The following SPPL2B variants were observed in gnomAD, a reference collection of about 807,000 sequenced individuals.
SPPL2B encodes the protein signal peptide peptidase like 2B.
SPPL2B carries 39 observed loss-of-function variants against 59.7 expected under a neutral mutation model. The ratio of observed to expected loss-of-function variants is 0.65; its 90% CI spans 0.51 to 0.85. The LOEUF (loss-of-function observed/expected upper bound fraction) is 0.85. SPPL2B is among the 40% of genes least tolerant of loss of function. The pLI is 0.00. For synonymous variants in SPPL2B, 419 were observed against 370.8 expected, an observed-to-expected ratio of 1.13 and a Z score of -1.49; for missense variants, 865 against 849.0, an observed-to-expected ratio of 1.02 and a Z score of -0.23.
In SPPL2B at chr19:2,340,150, C is replaced by T. The variant is rs746229400; in HGVS notation, c.817C>T (p.Arg273Trp). The change falls in exon 7 of 15, where the codon CGG (arginine) becomes TGG (tryptophan). Residue 273 changes from arginine (R) to tryptophan (W), a missense_variant. Transcript: ENST00000613503. ...LYSCLAPCVR[R>W]LPFGKCRIPN... is the part of the protein sequence containing the mutation. ...CAGCTGCCTGGCGCCCTGTGTGCGG[C>T]GGCTGCCCTTCGGCAAGTGCAGGTG... The T allele has an allele frequency of 4.7e-5, 75 of 1,579,436 alleles. No homozygotes were observed. Among genetic ancestry groups the T allele is most frequent in the Non-Finnish European group, 5.9e-5 (69 of 1,169,794 alleles).
intron 2 of SPPL2B, among the ~76,000 whole-genome samples, chr19:2,335,263 G>T (rs1241881610): frequency 7.0e-6 from 1 of 143,410 alleles, no homozygotes. Context: ...CATCCTTCAG[G>T]CCCCGCCTCC....
intron 3 of SPPL2B, 200 bp downstream of exon 3, chr19:2,337,825 T>C: frequency 1.8e-6 from 1 of 569,940 alleles, no homozygotes; most frequent in Non-Finnish European, 3.0e-6. Context: ...GATGAGTCTG[T>C]TCTTCCTGAG....
At chr19:2,333,408 C>T (rs1397344308) in intron 1 of SPPL2B, among the ~76,000 whole-genome samples, 1 of 152,188 alleles carries the variant, frequency 6.6e-6, no homozygotes, top group African/African-American at 2.4e-5. Flanking sequence ...AGGCCAGAGC[C>T]CTGCAGTGTC....
At chr19:2,346,590 C>T (rs968650142) in intron 13 of SPPL2B, among the ~76,000 whole-genome samples, 2 of 152,170 alleles carry the variant, frequency 1.3e-5, no homozygotes, top group African/African-American at 4.8e-5. Flanking sequence ...TCGCTTGAGC[C>T]TGGGAGTTCA....
At chr19:2,350,521 C>T (rs1421162417) in intron 13 of SPPL2B, among the ~76,000 whole-genome samples, 1 of 152,250 alleles carries the variant, frequency 6.6e-6, no homozygotes, top group African/African-American at 2.4e-5. Flanking sequence ...TCCACACACA[C>T]ACTCACGCTC....
At chr19:2,348,772 CTCATTCGCTT>C (rs1969669767) in intron 13 of SPPL2B, among the ~76,000 whole-genome samples, 1 of 141,620 alleles carries the variant, frequency 7.1e-6, no homozygotes, top group Admixed American at 7.0e-5. Flanking sequence ...CTCACGCGCT[CTCATTCGCTT>C]GATTCCGTTC....
intron 2 of SPPL2B, among the ~76,000 whole-genome samples, chr19:2,336,368 C>T (rs1473386071): frequency 1.3e-5 from 2 of 151,476 alleles, no homozygotes; most frequent in African/African-American, 2.4e-5. Context: ...CACATGTGTG[C>T]GTGTGTACAT....
In SPPL2B at chr19:2,340,101, C is replaced by T. The variant is rs1968934972; in HGVS notation, c.768C>T (p.Cys256=). Residue 256 remains cysteine (C), a synonymous_variant, in exon 7 of 15, where the codon TGC becomes TGT. Coordinates refer to ENST00000613503, the MANE Select transcript of SPPL2B (RefSeq NM_152988.3). Reference sequence around the variant, plus strand: ...TGTACGTGGTCATCGGGATCTTCTGCCTGGCCTCCGCCACCGGCCTCTACA... The same window carrying T: ...TGTACGTGGTCATCGGGATCTTCTGTCTGGCCTCCGCCACCGGCCTCTACA... ...LLVYVVIGIF[C]LASATGLYSC... 5 of 1,594,936 alleles carry T rather than the reference C, an allele frequency of 3.1e-6. No individual in the cohort carries two copies. The East Asian group carries it at 9.0e-5, about 29-fold the overall frequency.
intron 1 of SPPL2B, 62 bp from the exon 2 acceptor site, chr19:2,334,540 G>A (rs534095697): frequency 3.8e-5 from 58 of 1,546,488 alleles, no homozygotes; most frequent in Middle Eastern, 3.4e-4. Context: ...CCTGTTTCTC[G>A]TGGGGCGGTG....
chr19:2,345,809 C>G (rs939078964), intron 13 of SPPL2B, among the ~76,000 whole-genome samples: 1 of 151,750 alleles, frequency 6.6e-6, no homozygotes, highest in Non-Finnish European at 1.5e-5. Flanking sequence ...CCGTCTTTCT[C>G]ATTCTCCCTG....
chr19:2,341,533 A>G (rs990241789), intron 8 of SPPL2B: 24 of 448,574 alleles, frequency 5.4e-5, no homozygotes, highest in Middle Eastern at 3.3e-4. Context: ...GGCCTCCCCC[A>G]TGAGGCCGAG....
intron 14 of SPPL2B, among the ~76,000 whole-genome samples, chr19:2,352,558 AG>A (rs1401714301): frequency 6.6e-6 from 1 of 152,126 alleles, no homozygotes; most frequent in Non-Finnish European, 1.5e-5. Flanking sequence ...GCCTGAGACC[AG>A]GCCCCAGGGA....
At chr19:2,350,865 G>A (rs536617490) in intron 13 of SPPL2B, among the ~76,000 whole-genome samples, 3 of 152,364 alleles carry the variant, frequency 2.0e-5, no homozygotes, top group East Asian at 1.9e-4. Flanking sequence ...CCATGTGTGC[G>A]TTTGTGTATT....
chr19:2,345,557 C>T (rs1969318114), intron 13 of SPPL2B, among the ~76,000 whole-genome samples: 1 of 151,948 alleles, frequency 6.6e-6, no homozygotes, highest in Admixed American at 6.6e-5. Flanking sequence ...CTCCCCGGGC[C>T]TGTGCCTGCA....
intron 13 of SPPL2B, 121 bp from the exon 14 acceptor site, chr19:2,351,313 C>T (rs1238261977): frequency 1.3e-6 from 1 of 769,728 alleles, no homozygotes; most frequent in African/African-American, 1.7e-5. Flanking sequence ...CCCCACTGTA[C>T]CTCTCCCGTC....
chr19:2,342,945 T>C (rs958567667), intron 8 of SPPL2B: 25 of 482,412 alleles, frequency 5.2e-5, no homozygotes, highest in Non-Finnish European at 7.6e-5. Context: ...CTGTGTCCAC[T>C]GTCCTGGCTG....
intron 2 of SPPL2B, 104 bp from the exon 3 acceptor site, chr19:2,337,339 G>A: frequency 8.7e-7 from 1 of 1,144,582 alleles, no homozygotes. Flanking sequence ...TTTAGGTGAG[G>A]GCTGGGATCT....
chr19:2,343,286 C>A lies in SPPL2B; in HGVS notation c.1032C>A (p.Thr344=), dbSNP rs1223956572. 33 of 1,552,756 alleles carry A rather than the reference C, an allele frequency of 2.1e-5. No individual in the cohort carries two copies. The highest frequency in any genetic ancestry group is 2.7e-5 in the Non-Finnish European group (31 of 1,147,722). ...LYMLKTIRLP[T]FKACTLLLLV... is the part of the protein sequence containing the mutation. The stretch of plus-strand genomic sequence containing the variant: ...TGCTGAAGACCATCCGTCTGCCCAC[C>A]TTCAAGGTGAGTGCAGGGAGGGCAC... The change falls in exon 9 of 15, where the codon ACC becomes ACA. Residue 344 remains threonine, a synonymous_variant. Coordinates refer to ENST00000613503, the MANE Select transcript of SPPL2B (RefSeq NM_152988.3).
intron 13 of SPPL2B, among the ~76,000 whole-genome samples, chr19:2,348,261 C>T (rs1175050582): frequency 2.4e-5 from 3 of 125,706 alleles, no homozygotes; most frequent in Non-Finnish European, 3.4e-5. Context: ...CACACACTCA[C>T]GCACTCTTAT....
Sources: allele counts gnomAD v4.1 joint callset (sites outside exome capture counted in the v4.1 genomes callset), GRCh38; gene constraint gnomAD v4.1.1; transcripts MANE v1.5; gene names NCBI Gene and HGNC (gene_info 2026-07-23, HGNC 2026-07-21).